The following TENM3 variants were observed in gnomAD, a reference collection of about 807,000 sequenced individuals.
TENM3 encodes the protein teneurin-3.
TENM3 carries 63 observed loss-of-function variants against 255.1 expected under a neutral mutation model. That is an observed-to-expected ratio of 0.25 (90% CI 0.20 to 0.30). The LOEUF (loss-of-function observed/expected upper bound fraction) is 0.30. Ranked by LOEUF, TENM3 falls within the 10% of genes least tolerant of loss-of-function variation. The pLI is 1.00. For missense variants in TENM3, 2,929 were observed against 3,461.1 expected (o/e 0.85, Z 3.86); for synonymous variants, 1,306 against 1,322.3 (o/e 0.99, Z 0.27).
At chr4:181,575,070 T>G in the TENM3 span, among the ~76,000 whole-genome samples, 1 of 152,178 alleles carries the variant, frequency 6.6e-6, no homozygotes, top group Admixed American at 6.5e-5. Context: ...ATATAAAACA[T>G]AAAGTAAAAT....
the TENM3 span, among the ~76,000 whole-genome samples, chr4:181,775,914 C>T: frequency 4.6e-5 from 7 of 152,188 alleles, no homozygotes; most frequent in African/African-American, 9.6e-5. Flanking sequence ...ATCATTTTTA[C>T]GTGTTGGGAG....
chr4:182,764,760 G>A (rs1026846170), intron 22 of TENM3, among the ~76,000 whole-genome samples: 2 of 152,170 alleles, frequency 1.3e-5, no homozygotes, highest in Non-Finnish European at 2.9e-5. Flanking sequence ...GGCTTGCACC[G>A]CTACGTGAAG....
At chr4:182,267,843 G>C (rs1366982656) in intron 1 of TENM3, among the ~76,000 whole-genome samples, 1 of 152,038 alleles carries the variant, frequency 6.6e-6, no homozygotes, top group Non-Finnish European at 1.5e-5. Flanking sequence ...TGGGAAACCA[G>C]AAAGAGAAAT....
At chr4:181,634,758 C>G in the TENM3 span, among the ~76,000 whole-genome samples, 1 of 152,302 alleles carries the variant, frequency 6.6e-6, no homozygotes, top group South Asian at 2.1e-4. Context: ...CTACTAGAAT[C>G]TGCTCTGATT....
At chr4:181,657,194 T>A in the TENM3 span, among the ~76,000 whole-genome samples, 1 of 152,138 alleles carries the variant, frequency 6.6e-6, no homozygotes, top group South Asian at 2.1e-4. Context: ...TGCCAATGAG[T>A]TGCACCAGGA....
chr4:181,922,588 T>G, the TENM3 span, among the ~76,000 whole-genome samples: 5 of 152,230 alleles, frequency 3.3e-5, no homozygotes, highest in Admixed American at 2.0e-4. Context: ...ATATCCCCTT[T>G]ATCATTTTTT....
At chr4:182,578,885 CTG>C (rs1166736883) in intron 3 of TENM3, among the ~76,000 whole-genome samples, 1 of 152,212 alleles carries the variant, frequency 6.6e-6, no homozygotes, top group Non-Finnish European at 1.5e-5. Flanking sequence ...ACTTTGCTAA[CTG>C]TGCTTCTCTT....
the TENM3 span, among the ~76,000 whole-genome samples, chr4:181,887,598 C>T: frequency 8.0e-4 from 122 of 152,266 alleles, no homozygotes; most frequent in Admixed American, 1.6e-3. Flanking sequence ...TAAAATATTT[C>T]CAAGGGCATT....
the TENM3 span, among the ~76,000 whole-genome samples, chr4:182,121,630 A>G: frequency 1.2e-4 from 19 of 152,344 alleles, no homozygotes; most frequent in African/African-American, 4.6e-4. Context: ...ATTATGTCTA[A>G]AAAACAATGT....
the TENM3 span, among the ~76,000 whole-genome samples, chr4:181,813,898 A>T: frequency 6.6e-6 from 1 of 152,150 alleles, no homozygotes; most frequent in East Asian, 1.9e-4. Context: ...CAAACTGCAA[A>T]GGAATAGAAA....
At chr4:181,506,908 T>G in the TENM3 span, among the ~76,000 whole-genome samples, 1 of 152,318 alleles carries the variant, frequency 6.6e-6, no homozygotes, top group African/African-American at 2.4e-5. Context: ...ATTCCAATAT[T>G]ATGTGATCTC....
At chr4:181,630,891 C>T in the TENM3 span, among the ~76,000 whole-genome samples, 1 of 152,030 alleles carries the variant, frequency 6.6e-6, no homozygotes, top group African/African-American at 2.4e-5. Context: ...GATGGGGTGC[C>T]ATGTTCATTT....
At chr4:182,544,909 A>G (rs569874693) in intron 3 of TENM3, among the ~76,000 whole-genome samples, 21 of 152,300 alleles carry the variant, frequency 1.4e-4, no homozygotes, top group South Asian at 1.2e-3. Context: ...CCTGGCATCA[A>G]TTTTCTTACC....
the TENM3 span, among the ~76,000 whole-genome samples, chr4:181,866,925 A>C: frequency 6.6e-6 from 1 of 152,078 alleles, no homozygotes; most frequent in African/African-American, 2.4e-5. Flanking sequence ...GATCTCATCT[A>C]ACCTCATTGC....
chr4:182,704,523 A>G (rs1758124329), intron 12 of TENM3, among the ~76,000 whole-genome samples: 1 of 152,242 alleles, frequency 6.6e-6, no homozygotes, highest in Non-Finnish European at 1.5e-5. Flanking sequence ...CAGCTCTTCC[A>G]TAGAATCTGG....
chr4:181,528,721 A>T, the TENM3 span, among the ~76,000 whole-genome samples: 1 of 152,226 alleles, frequency 6.6e-6, no homozygotes, highest in African/African-American at 2.4e-5. Context: ...ATTCCATCCC[A>T]GAAAGCCTGG....
At chr4:182,261,128 T>C (rs1758761314) in intron 1 of TENM3, among the ~76,000 whole-genome samples, 1 of 152,132 alleles carries the variant, frequency 6.6e-6, no homozygotes, top group South Asian at 2.1e-4. Flanking sequence ...CCTGCCTCAG[T>C]CTCCCAAAGT....
At chr4:182,521,313 G>C (rs976695978) in intron 3 of TENM3, among the ~76,000 whole-genome samples, 1 of 152,290 alleles carries the variant, frequency 6.6e-6, no homozygotes, top group East Asian at 1.9e-4. Context: ...ATCAAGATTT[G>C]GCTATGTAGA....
chr4:181,526,981 C>T, the TENM3 span, among the ~76,000 whole-genome samples: 12 of 152,266 alleles, frequency 7.9e-5, no homozygotes, highest in Middle Eastern at 3.4e-3. Flanking sequence ...CTTGATCCTA[C>T]GGCCCTTCCC....
Sources: gnomAD v4.1 joint callset for allele counts (sites outside exome capture counted in the v4.1 genomes callset) on GRCh38, gnomAD v4.1.1 for gene constraint, MANE v1.5 for transcripts, NCBI Gene and HGNC (gene_info 2026-07-23, HGNC 2026-07-21) for gene names.